Variants in BCR observed in about 807,000 individuals in gnomAD.
The protein encoded by BCR is breakpoint cluster region protein.
In BCR, 58 loss-of-function variants were observed where a neutral mutation model predicts 138.6. That is an observed-to-expected ratio of 0.42 (90% CI 0.34 to 0.52). The LOEUF is 0.52. Among genes scored for constraint, BCR ranks in the 20% least tolerant of loss-of-function variants. BCR has a pLI of 0.06. For missense variants in BCR, 1,599 were observed against 1,727.2 expected (o/e 0.93, Z 1.32); for synonymous variants, 786 against 730.1 (o/e 1.08, Z -1.23).
At chr22:23,290,120 A>C (rs1272545146) in intron 13 of BCR, 5 of 619,140 alleles carry the variant, frequency 8.1e-6, no homozygotes, top group African/African-American at 5.5e-5. Flanking sequence ...ACTTCGAGTC[A>C]CTGGTTTGCC....
At chr22:23,214,818 C>CTA (rs965668280) in intron 1 of BCR, among the ~76,000 whole-genome samples, 2 of 152,174 alleles carry the variant, frequency 1.3e-5, no homozygotes, top group Non-Finnish European at 2.9e-5. Context: ...TTATGATGAA[C>CTA]TATACATAAT....
At chr22:23,216,296 A>G (rs551043552) in intron 1 of BCR, among the ~76,000 whole-genome samples, 1 of 152,354 alleles carries the variant, frequency 6.6e-6, no homozygotes, top group Non-Finnish European at 1.5e-5. Flanking sequence ...AAGAGGCATC[A>G]CCATGTTTAT....
intron 1 of BCR, among the ~76,000 whole-genome samples, chr22:23,252,339 C>A (rs2073237726): frequency 1.3e-5 from 2 of 152,232 alleles, no homozygotes; most frequent in African/African-American, 4.8e-5. Context: ...CCCATCAGAC[C>A]CCATGGGCAG....
In BCR at chr22:23,261,018, G is replaced by C; in HGVS notation, c.1530G>C (p.Glu510Asp). The C allele has an allele frequency of 6.2e-7, 1 of 1,613,944 alleles. No homozygotes were observed. The highest frequency in any genetic ancestry group is 1.1e-5 in the South Asian group (1 of 91,080). ...KWVLSGILAS[E>D]ETYLSHLEAL... ...TCCTGTCGGGAATCCTGGCTAGCGA[G>C]GAGACTTACCTGAGCCACCTGGAGG... Residue 510 changes from glutamate (E) to aspartate (D), a missense_variant, in exon 3 of 23, where the codon GAG becomes GAC. By Grantham distance (45) the Glu-to-Asp change is conservative. Coordinates refer to ENST00000305877, the MANE Select transcript of BCR (RefSeq NM_004327.4).
chr22:23,231,541 A>AATAAAATAAT (rs1167905407), intron 1 of BCR, among the ~76,000 whole-genome samples: 1 of 151,776 alleles, frequency 6.6e-6, no homozygotes, highest in Non-Finnish European at 1.5e-5. Flanking sequence ...AATAAAATAA[A>AATAAAATAAT]ATAAAATAAA....
In BCR at chr22:23,181,377, G is replaced by A. The variant is rs1296288006; in HGVS notation, c.417G>A (p.Ser139=). ...CCCGCAGGCCCGGGGCAGCCGCGTC[G>A]GGGGAACGGGACGACCGGGGACCCC... ...GTARRPGAAA[S]GERDDRGPPA... The change falls in exon 1 of 23, where the codon TCG becomes TCA. Residue 139 remains serine, a synonymous_variant. Coordinates refer to ENST00000305877, the MANE Select transcript of BCR (RefSeq NM_004327.4). 1.3e-6 allele frequency: 2 copies of A among 1,532,602 alleles called. No homozygotes were observed. Among genetic ancestry groups the A allele is most frequent in the East Asian group, 2.3e-5 (1 of 43,232 alleles). The allele number at this position is 1,532,602 out of a possible 1,614,324, so 94.9% of individuals were successfully genotyped here. A position where few individuals can be genotyped will look rare whatever the true frequency, so the allele number is the denominator to read the frequency against.
At chr22:23,262,224 C>T (rs1270579259) in intron 4 of BCR, among the ~76,000 whole-genome samples, 2 of 152,348 alleles carry the variant, frequency 1.3e-5, no homozygotes, top group South Asian at 2.1e-4. Context: ...GCCAGGCCCC[C>T]CTCTAAGTGT....
chr22:23,301,912 C>G (rs1179828483), intron 16 of BCR, among the ~76,000 whole-genome samples: 3 of 152,212 alleles, frequency 2.0e-5, no homozygotes, highest in Non-Finnish European at 4.4e-5. Context: ...GACTTGGGTC[C>G]TCTTGCACCT....
chr22:23,218,673 A>C (rs5996495), intron 1 of BCR, among the ~76,000 whole-genome samples: 10,275 of 152,270 alleles, frequency 0.067, 1,184 homozygotes, highest in African/African-American at 0.23. Flanking sequence ...CACTCAAGCC[A>C]CAAGTGACTG....
chr22:23,203,909 G>A (rs530292772), intron 1 of BCR, among the ~76,000 whole-genome samples: 1 of 152,210 alleles, frequency 6.6e-6, no homozygotes, highest in Non-Finnish European at 1.5e-5. Context: ...GGCAGAAAAG[G>A]ATTTCTACAA....
chr22:23,307,860 G>A (rs1194324215), intron 16 of BCR: 1 of 47,424 alleles, frequency 2.1e-5, no homozygotes, highest in Non-Finnish European at 4.0e-5. Flanking sequence ...TGTGAAGTAG[G>A]GGGGCAGCTG....
intron 7 of BCR, among the ~76,000 whole-genome samples, chr22:23,273,412 T>C (rs1414911361): frequency 6.6e-6 from 1 of 152,220 alleles, no homozygotes; most frequent in African/African-American, 2.4e-5. Context: ...CTTGGCCATG[T>C]GCATGCAGCG....
chr22:23,200,316 C>T (rs940449371), intron 1 of BCR, among the ~76,000 whole-genome samples: 7 of 151,976 alleles, frequency 4.6e-5, no homozygotes, highest in Non-Finnish European at 7.4e-5. Context: ...TCAAAGCGGG[C>T]TTTTTATTTA....
chr22:23,246,655 A>T (rs1369665323), intron 1 of BCR, among the ~76,000 whole-genome samples: 5 of 152,176 alleles, frequency 3.3e-5, no homozygotes, highest in Non-Finnish European at 1.5e-5. Context: ...TCCTGTCTGA[A>T]AAATAGCAAT....
intron 1 of BCR, among the ~76,000 whole-genome samples, chr22:23,224,603 C>T (rs76173935): frequency 0.016 from 2,478 of 152,290 alleles, 32 homozygotes; most frequent in Non-Finnish European, 0.024. Context: ...GCTGAGAGGC[C>T]GGGGGCTGTA....
intron 14 of BCR, chr22:23,290,732 G>GT (rs1224470017): frequency 1.6e-5 from 6 of 367,088 alleles, no homozygotes; most frequent in African/African-American, 6.2e-5. Flanking sequence ...GCCCGGGAGT[G>GT]TGGGGTCCAA....
At chr22:23,262,667 C>T (rs890216158) in intron 4 of BCR, 33 of 602,896 alleles carry the variant, frequency 5.5e-5, no homozygotes, top group Admixed American at 2.5e-4. Flanking sequence ...CAGCCAGGGC[C>T]GCTGGGTGTG....
chr22:23,216,568 A>G (rs1045657854), intron 1 of BCR, among the ~76,000 whole-genome samples: 1 of 152,246 alleles, frequency 6.6e-6, no homozygotes, highest in Non-Finnish European at 1.5e-5. Context: ...CCAAAGTGTG[A>G]TGATTTGTAT....
chr22:23,268,101 A>G (rs116962577), intron 4 of BCR, among the ~76,000 whole-genome samples: 1 of 152,208 alleles, frequency 6.6e-6, no homozygotes, highest in African/African-American at 2.4e-5. Context: ...CTCAAACTTC[A>G]GCTGCCGCTC....
Sources: gnomAD v4.1 joint callset for allele counts (sites outside exome capture counted in the v4.1 genomes callset) on GRCh38, gnomAD v4.1.1 for gene constraint, MANE v1.5 for transcripts, NCBI Gene and HGNC (gene_info 2026-07-23, HGNC 2026-07-21) for gene names.